ONECUT2: variants seen among roughly 807,000 people sequenced by gnomAD.
The protein encoded by ONECUT2 is one cut homeobox 2.
ONECUT2 carries 10 observed loss-of-function variants against 27.9 expected under a neutral mutation model. The observed-to-expected ratio is 0.36, with a 90% CI of 0.22 to 0.61. ONECUT2 has a LOEUF of 0.61. Among genes scored for constraint, ONECUT2 ranks in the 20% least tolerant of loss-of-function variants. The pLI is 0.73. For synonymous variants in ONECUT2, 334 were observed against 315.1 expected (o/e 1.06, Z -0.64); for missense variants, 686 against 721.0 (o/e 0.95, Z 0.56).
In ONECUT2 at chr18:57,436,006, C is replaced by T. The variant is rs1268138178; in HGVS notation, c.290C>T (p.Ala97Val). 11 of 1,509,714 alleles carry T rather than the reference C, an allele frequency of 7.3e-6. No individual in the cohort carries two copies. In the African/African-American group the frequency reaches 8.3e-5, roughly 11 times the overall value. 93.5% of individuals were successfully genotyped at this position (1,509,714 alleles called of 1,614,324 possible). Reference sequence around the variant, plus strand: ...CAGGAGCTGGGCACGGCGGCAGCGGCGGCAGCGGCGGCGTCGCGCTCGGCC... The same window carrying T: ...CAGGAGCTGGGCACGGCGGCAGCGGTGGCAGCGGCGGCGTCGCGCTCGGCC... ...AHQELGTAAA[A>V]AAAASRSAMV... Residue 97 changes from alanine (A) to valine (V), a missense_variant, in exon 1 of 2, where the codon GCG becomes GTG. Physicochemically the swap from Ala to Val is moderately conservative, Grantham distance 64. This residue lies in a region of ONECUT2 where 511 missense variants were observed against 488.1 expected (regional missense o/e 1.05). Transcript: ENST00000491143. This position sits in a 1 kb window ranked among gnomAD's most constrained non-coding sequence, Gnocchi z 5.9.
chr18:57,464,977 AG>A (rs1285031192), intron 1 of ONECUT2, among the ~76,000 whole-genome samples: 47 of 152,334 alleles, frequency 3.1e-4, no homozygotes, highest in African/African-American at 1.1e-3. Flanking sequence ...GCCTATAGTT[AG>A]AATTTTTGAG....
Position 57,436,914 on chromosome 18 carries a change from T to A in ONECUT2, c.1198T>A (p.Phe400Ile). 1 of 1,610,230 alleles carries A rather than the reference T, an allele frequency of 6.2e-7. No individual in the cohort carries two copies. The highest frequency in any genetic ancestry group is 1.1e-5 in the South Asian group (1 of 90,514). Residue 400 changes from phenylalanine to isoleucine, a missense_variant, in exon 1 of 2, where the codon TTC becomes ATC. Transcript: ENST00000491143. This position sits in a 1 kb window ranked among gnomAD's most constrained non-coding sequence, Gnocchi z 5.9. Reference protein sequence around the residue: ...RMWKWLQEPEFQRMSALRLAA... With the variant: ...RMWKWLQEPEIQRMSALRLAA... The stretch of plus-strand genomic sequence containing the variant: ...GTGGAAGTGGCTTCAGGAGCCCGAG[T>A]TCCAGCGCATGTCCGCCTTACGCCT...
chr18:57,469,138 C>T (rs531509427), intron 1 of ONECUT2, among the ~76,000 whole-genome samples: 4 of 152,226 alleles, frequency 2.6e-5, no homozygotes, highest in African/African-American at 4.8e-5. Context: ...ATCTTTCCAA[C>T]AGAACTGCAG....
At position 57,481,343 on chromosome 18, in the gene ONECUT2, C is replaced by T. The variant is rs1280410243; in HGVS notation, c.*4620C>T. 1.3e-5 allele frequency: 2 copies of T among 152,174 alleles called. No individual in the cohort carries two copies. Among genetic ancestry groups the T allele is most frequent in the Non-Finnish European group, 2.9e-5 (2 of 68,030 alleles). The allele number at this position is 152,174 out of a possible 1,614,324, so 9.4% of individuals were successfully genotyped here. ...AGTTGCTTCTAAGCTCCCTTTTCCC[C>T]CTGCAGGCTCTTGGCAATTGTAGGC... On this transcript the variant is annotated 3_prime_UTR_variant, in exon 2 of 2. Transcript: ENST00000491143.
rs940409149 is a variant in ONECUT2 at position 57,490,033 on chromosome 18, A to C, written c.*13310A>C. The C allele has an allele frequency of 4.6e-5, 7 of 152,244 alleles. No individual in the cohort carries two copies. Among genetic ancestry groups the C allele is most frequent in the African/African-American group, 1.7e-4 (7 of 41,466 alleles). The allele number at this position is 152,244 out of a possible 1,614,324, so 9.4% of individuals were successfully genotyped here. ...ATGCCAAAGAGCATCATAGGAAAAG[A>C]TAATTAGGGATTGACCAGCATTTCA... On this transcript the variant is annotated 3_prime_UTR_variant, in exon 2 of 2. Coordinates refer to ENST00000491143, the MANE Select transcript of ONECUT2 (RefSeq NM_004852.3).
chr18:57,472,266 G>A (rs1030814867), intron 1 of ONECUT2, among the ~76,000 whole-genome samples: 8 of 152,314 alleles, frequency 5.3e-5, no homozygotes, highest in South Asian at 2.1e-4. Flanking sequence ...CACCAAAGCC[G>A]TTTGCACTCT....
At chr18:57,452,512 C>A (rs1037696304) in intron 1 of ONECUT2, among the ~76,000 whole-genome samples, 2 of 152,150 alleles carry the variant, frequency 1.3e-5, no homozygotes, top group Non-Finnish European at 2.9e-5. Flanking sequence ...GCAACCTCCA[C>A]CTACTGGGTT....
rs924309636 is a variant in ONECUT2, at chr18:57,480,873, G to T, written c.*4150G>T. ...TAATTTCAGAGAAAATAACCATTTG[G>T]GTGTGGTTATAGTTTAGTATCCATT... is the stretch of plus-strand genomic sequence containing the variant. On this transcript the variant is annotated 3_prime_UTR_variant, in exon 2 of 2. Coordinates refer to ENST00000491143, the MANE Select transcript of ONECUT2 (RefSeq NM_004852.3). 3 of 152,012 alleles carry T rather than the reference G, an allele frequency of 2.0e-5. No homozygotes were observed. Among genetic ancestry groups the T allele is most frequent in the Non-Finnish European group, 4.4e-5 (3 of 68,010 alleles). 9.4% of individuals were successfully genotyped at this position (152,012 alleles called of 1,614,324 possible). A position where few individuals can be genotyped will look rare whatever the true frequency, so the allele number is the denominator to read the frequency against.
Position 57,482,115 on chromosome 18 carries a change from A to T in ONECUT2, c.*5392A>T, listed in dbSNP as rs1568126887. Reference sequence around the variant, plus strand: ...CTAGTTTTAAAATAAGGCCACAAAAATCCTTACGGAATGAAGAATGGCACC... The same window carrying T: ...CTAGTTTTAAAATAAGGCCACAAAATTCCTTACGGAATGAAGAATGGCACC... On this transcript the variant is annotated 3_prime_UTR_variant, in exon 2 of 2. Transcript: ENST00000491143. 1 of 152,186 alleles carries T rather than the reference A, an allele frequency of 6.6e-6. No individual in the cohort carries two copies. The highest frequency in any genetic ancestry group is 1.5e-5 in the Non-Finnish European group (1 of 68,036). The allele number at this position is 152,186 out of a possible 1,614,324, so 9.4% of individuals were successfully genotyped here.
chr18:57,436,508 G>A lies in ONECUT2; in HGVS notation c.792G>A (p.Ala264=), dbSNP rs199913316. 2 of 1,613,208 alleles carry A rather than the reference G, an allele frequency of 1.2e-6. No homozygotes were observed. Among genetic ancestry groups the A allele is most frequent in the Admixed American group, 1.7e-5 (1 of 60,022 alleles). Reference sequence around the variant, plus strand: ...AAATGCTCAGCCCCAACTTCGACGCGCACCACACTGCCATGCTGACCCGCG... The same window carrying A: ...AAATGCTCAGCCCCAACTTCGACGCACACCACACTGCCATGCTGACCCGCG... ...HDKMLSPNFD[A]HHTAMLTRGE... The change falls in exon 1 of 2, where the codon GCG becomes GCA. Residue 264 remains alanine, a synonymous_variant. Transcript: ENST00000491143. This position sits in a 1 kb window ranked among gnomAD's most constrained non-coding sequence, Gnocchi z 5.9.
intron 1 of ONECUT2, among the ~76,000 whole-genome samples, chr18:57,453,858 A>G (rs964015035): frequency 3.3e-5 from 5 of 152,204 alleles, no homozygotes; most frequent in African/African-American, 4.8e-5. Flanking sequence ...GAAACAAGAC[A>G]TAGGAACAAA....
chr18:57,456,504 A>G (rs906908017), intron 1 of ONECUT2, among the ~76,000 whole-genome samples: 3 of 152,252 alleles, frequency 2.0e-5, no homozygotes, highest in Non-Finnish European at 1.5e-5. Flanking sequence ...AAAGACAAAT[A>G]CTATATGATT....
chr18:57,464,805 C>T lies in ONECUT2; in HGVS notation c.1229-11632C>T, dbSNP rs1026496459. Among the ~76,000 whole-genome samples the T allele has an allele frequency of 3.3e-5, 5 of 152,274 alleles. No individual in the cohort carries two copies. In the South Asian group the frequency reaches 6.2e-4, roughly 19 times the overall value. On this transcript the variant is annotated intron_variant, in intron 1 of 1. Coordinates refer to ENST00000491143, the MANE Select transcript of ONECUT2 (RefSeq NM_004852.3). ...TGTTTGGAAGGAGCTCAGGGATATT[C>T]GTAGCCACATAGGGCTGTTGGCCAA... is the stretch of plus-strand genomic sequence containing the variant.
intron 1 of ONECUT2, among the ~76,000 whole-genome samples, chr18:57,455,862 T>G (rs1383255327): frequency 2.0e-5 from 3 of 152,140 alleles, no homozygotes; most frequent in East Asian, 3.9e-4. Context: ...TTCTAGAACT[T>G]GGGTAAGGAC....
intron 1 of ONECUT2, among the ~76,000 whole-genome samples, chr18:57,459,929 A>G (rs1484070873): frequency 6.6e-6 from 1 of 151,394 alleles, no homozygotes; most frequent in African/African-American, 2.4e-5. Flanking sequence ...TATTTATTTT[A>G]TTTATTTTTT....
At position 57,482,018 on chromosome 18, in the gene ONECUT2, G is replaced by A. The variant is rs2050418545; in HGVS notation, c.*5295G>A. The A allele has an allele frequency of 6.6e-6, 1 of 152,158 alleles. No individual in the cohort carries two copies. The highest frequency in any genetic ancestry group is 1.5e-5 in the Non-Finnish European group (1 of 68,028). 9.4% of individuals were successfully genotyped at this position (152,158 alleles called of 1,614,324 possible). ...ATCTATAACTTTCTGATATTTGTCT[G>A]CCAAACTTGATATATTAGTAATTTT... On this transcript the variant is annotated 3_prime_UTR_variant, in exon 2 of 2. Coordinates refer to ENST00000491143, the MANE Select transcript of ONECUT2 (RefSeq NM_004852.3).
chr18:57,457,767 A>T (rs1197707874), intron 1 of ONECUT2, among the ~76,000 whole-genome samples: 3 of 152,222 alleles, frequency 2.0e-5, no homozygotes, highest in Non-Finnish European at 1.5e-5. Flanking sequence ...TGTGACACAT[A>T]TACACCATGG....
chr18:57,436,343 C>G lies in ONECUT2; in HGVS notation c.627C>G (p.Asn209Lys), dbSNP rs745849413. ...RDERGLPAMN[N>K]LYSPYKEMPG... ...AGCGCGGGCTCCCGGCCATGAACAA[C>G]CTCTACAGTCCCTACAAGGAGATGC... Residue 209 changes from asparagine (N) to lysine (K), a missense_variant, in exon 1 of 2, where the codon AAC becomes AAG. Coordinates refer to ENST00000491143, the MANE Select transcript of ONECUT2 (RefSeq NM_004852.3). This position sits in a 1 kb window ranked among gnomAD's most constrained non-coding sequence, Gnocchi z 5.9. 16 of 1,605,884 alleles carry G rather than the reference C, an allele frequency of 1.0e-5. No homozygotes were observed. The South Asian group carries it at 1.6e-4, about 17-fold the overall frequency.
intron 1 of ONECUT2, among the ~76,000 whole-genome samples, chr18:57,452,525 A>T (rs1382669816): frequency 1.3e-5 from 2 of 152,130 alleles, no homozygotes; most frequent in Non-Finnish European, 2.9e-5. Context: ...ACTGGGTTCA[A>T]GCTACTCTCC....
Sources: allele counts gnomAD v4.1 joint callset (sites outside exome capture counted in the v4.1 genomes callset), GRCh38; gene constraint gnomAD v4.1.1; regional missense constraint gnomAD v4.1.1; non-coding constraint Gnocchi (gnomAD v3.1); transcripts MANE v1.5; gene names NCBI Gene and HGNC (gene_info 2026-07-23, HGNC 2026-07-21).